Variants in POU2AF2 observed in about 807,000 individuals in gnomAD.
POU2AF2 encodes POU class 2 homeobox associating factor 2.
the POU2AF2 span, among the ~76,000 whole-genome samples, chr11:111,250,085 A>G: frequency 2.6e-5 from 4 of 152,234 alleles, no homozygotes; most frequent in African/African-American, 9.6e-5. Flanking sequence ...CTCAAAGCCA[A>G]CATATTAAAA....
chr11:111,276,439 G>GAAAAAAA, the POU2AF2 span, among the ~76,000 whole-genome samples: 55 of 44,414 alleles, frequency 1.2e-3, no homozygotes, highest in South Asian at 2.0e-3. Context: ...CTACTAAAAA[G>GAAAAAAA]AAAAAAAAAA....
At chr11:111,272,350 G>T in the POU2AF2 span, among the ~76,000 whole-genome samples, 11 of 151,952 alleles carry the variant, frequency 7.2e-5, no homozygotes, top group Admixed American at 7.2e-4. Context: ...ATGTCACTTA[G>T]CAGCTTTGTG....
the POU2AF2 span, among the ~76,000 whole-genome samples, chr11:111,267,878 G>A: frequency 6.6e-6 from 1 of 152,130 alleles, no homozygotes; most frequent in South Asian, 2.1e-4. Context: ...AGAAAACATG[G>A]GGAGAGGAAG....
chr11:111,268,242 A>G, the POU2AF2 span, among the ~76,000 whole-genome samples: 2 of 152,164 alleles, frequency 1.3e-5, no homozygotes, highest in Non-Finnish European at 2.9e-5. Flanking sequence ...AGGCATCCCG[A>G]GCTCTGCAGG....
At chr11:111,275,831 TA>T in the POU2AF2 span, among the ~76,000 whole-genome samples, 7 of 151,952 alleles carry the variant, frequency 4.6e-5, no homozygotes, top group South Asian at 4.2e-4. Flanking sequence ...TTTATAGAAA[TA>T]AAAAAATATA....
At chr11:111,265,806 A>G in the POU2AF2 span, among the ~76,000 whole-genome samples, 1 of 151,970 alleles carries the variant, frequency 6.6e-6, no homozygotes, top group African/African-American at 2.4e-5. Flanking sequence ...TAATATACAT[A>G]AGTGAAACCA....
the POU2AF2 span, among the ~76,000 whole-genome samples, chr11:111,249,129 G>A: frequency 2.6e-5 from 4 of 152,128 alleles, no homozygotes; most frequent in South Asian, 2.1e-4. Context: ...GGAAGCACAC[G>A]TCTTTGTTTT....
the POU2AF2 span, chr11:111,284,361 C>A: frequency 6.2e-7 from 1 of 1,605,866 alleles, no homozygotes; most frequent in Non-Finnish European, 8.5e-7. Flanking sequence ...CCCGGAGACC[C>A]AGCTCACTTC....
chr11:111,284,247 T>C, the POU2AF2 span: 4 of 1,613,808 alleles, frequency 2.5e-6, no homozygotes, highest in Non-Finnish European at 3.4e-6. Flanking sequence ...GAGCCCTACT[T>C]CCCCCAGGAG....
the POU2AF2 span, among the ~76,000 whole-genome samples, chr11:111,280,429 T>C: frequency 6.6e-6 from 1 of 152,170 alleles, no homozygotes; most frequent in Non-Finnish European, 1.5e-5. Context: ...AGTCTGAACA[T>C]ACTAAATGCG....
At chr11:111,274,461 T>C in the POU2AF2 span, among the ~76,000 whole-genome samples, 1 of 152,068 alleles carries the variant, frequency 6.6e-6, no homozygotes, top group East Asian at 1.9e-4. Flanking sequence ...CCTTAAATTT[T>C]GTGAATTTTA....
the POU2AF2 span, among the ~76,000 whole-genome samples, chr11:111,276,439 G>GAAAAAAAAAAAAAAAAAAAAAA: frequency 6.7e-5 from 3 of 44,448 alleles, no homozygotes; most frequent in African/African-American, 2.8e-4. Context: ...CTACTAAAAA[G>GAAAAAAAAAAAAAAAAAAAAAA]AAAAAAAAAA....
the POU2AF2 span, among the ~76,000 whole-genome samples, chr11:111,272,193 G>A: frequency 3.3e-5 from 5 of 151,972 alleles, no homozygotes; most frequent in African/African-American, 7.3e-5. Flanking sequence ...CTTTTATCTA[G>A]CCTTCAGAAC....
the POU2AF2 span, among the ~76,000 whole-genome samples, chr11:111,255,407 C>T: frequency 6.6e-6 from 1 of 152,152 alleles, no homozygotes; most frequent in Non-Finnish European, 1.5e-5. Flanking sequence ...TATTTATCCT[C>T]GGCCTTATTT....
At chr11:111,268,846 C>G in the POU2AF2 span, among the ~76,000 whole-genome samples, 1 of 151,926 alleles carries the variant, frequency 6.6e-6, no homozygotes, top group South Asian at 2.1e-4. Context: ...CCGCACCCAG[C>G]CTCTTTACTT....
At chr11:111,247,187 C>CAGAGAGAG in the POU2AF2 span, among the ~76,000 whole-genome samples, 1 of 45,072 alleles carries the variant, frequency 2.2e-5, no homozygotes, top group African/African-American at 6.4e-5. Context: ...CACATACACA[C>CAGAGAGAG]ACACAGAGAG....
the POU2AF2 span, among the ~76,000 whole-genome samples, chr11:111,264,633 GAGAA>G: frequency 3.2e-5 from 1 of 31,732 alleles, no homozygotes; most frequent in Non-Finnish European, 7.4e-5. Flanking sequence ...AAGAAAGAAA[GAGAA>G]AGAAAGAGAG....
chr11:111,263,404 C>A, the POU2AF2 span, among the ~76,000 whole-genome samples: 1 of 147,828 alleles, frequency 6.8e-6, no homozygotes, highest in Admixed American at 6.7e-5. Context: ...TGGGAACCTA[C>A]AACACTCAGG....
At chr11:111,270,954 C>A in the POU2AF2 span, among the ~76,000 whole-genome samples, 1 of 152,186 alleles carries the variant, frequency 6.6e-6, no homozygotes, top group Admixed American at 6.5e-5. Context: ...CTCACCCCAC[C>A]AGTCATTTCC....
Sources: gnomAD v4.1 joint callset for allele counts (sites outside exome capture counted in the v4.1 genomes callset) on GRCh38, gnomAD v4.1.1 for gene constraint, MANE v1.5 for transcripts, NCBI Gene and HGNC (gene_info 2026-07-23, HGNC 2026-07-21) for gene names.